Variants in EYA1 observed in about 807,000 individuals in gnomAD.
EYA1 encodes the protein EYA transcriptional coactivator and phosphatase 1.
Under a neutral mutation model 82.0 loss-of-function variants are expected in EYA1, and 16 were observed. The observed-to-expected ratio is 0.20, with a 90% CI of 0.13 to 0.30. EYA1 has a LOEUF of 0.30. Ranked by LOEUF, EYA1 falls within the 10% of genes least tolerant of loss-of-function variation. The probability of loss-of-function intolerance (pLI) is 1.00; values close to 1 mark genes in which losing one functional copy is unlikely to be tolerated. For synonymous variants in EYA1, 261 were observed against 264.4 expected, an observed-to-expected ratio of 0.99 and a Z score of 0.12; for missense variants, 633 against 730.7, an observed-to-expected ratio of 0.87 and a Z score of 1.54.
At position 71,198,110 on chromosome 8, in the gene EYA1, A is replaced by G. The variant is rs1206150010; in HGVS notation, c.*1230T>C. 6.6e-6 allele frequency: 1 copy of G among 152,428 alleles called. No homozygotes were observed. The highest frequency in any genetic ancestry group is 2.4e-5 in the African/African-American group (1 of 41,450). The allele number at this position is 152,428 out of a possible 1,614,324, so 9.4% of individuals were successfully genotyped here. ...TCCTTTATCGAAAGAAAATGCAGACACGATAATTAATAATTCTGAGCACAT... is the reference window on the plus strand; with the variant it reads ...TCCTTTATCGAAAGAAAATGCAGACGCGATAATTAATAATTCTGAGCACAT... On this transcript the variant is annotated 3_prime_UTR_variant, in exon 18 of 18. Coordinates refer to ENST00000340726, the MANE Select transcript of EYA1 (RefSeq NM_000503.6).
Position 71,214,162 on chromosome 8 carries a change from C to T in EYA1, c.1597+1225G>A, listed in dbSNP as rs532775566. 9.2e-5 allele frequency among the ~76,000 whole-genome samples: 14 copies of T among 152,202 alleles called. No individual in the cohort carries two copies. The East Asian group carries it at 2.7e-3, about 29-fold the overall frequency. ...TATGGAGTCGAGCAGCCAAAGACAG[C>T]CCTCTTGCCACCTGCTAGAATGCTC... On this transcript the variant is annotated intron_variant, in intron 16 of 17. Coordinates refer to ENST00000340726, the MANE Select transcript of EYA1 (RefSeq NM_000503.6).
At chr8:71,362,669 ATCT>A (rs761737300), upstream of EYA1, among the ~76,000 whole-genome samples, 16 of 152,306 alleles carry the variant, frequency 1.1e-4, no homozygotes, top group Non-Finnish European at 2.1e-4. Flanking sequence ...AGAATGGCAA[ATCT>A]TCTGTGAACA....
chr8:71,262,982 G>T (rs1421486071), intron 11 of EYA1, among the ~76,000 whole-genome samples: 1 of 152,186 alleles, frequency 6.6e-6, no homozygotes, highest in African/African-American at 2.4e-5. Flanking sequence ...TTTGGGATTA[G>T]ATTGGCCATC....
intron 2 of EYA1, among the ~76,000 whole-genome samples, chr8:71,490,054 G>C (rs922927235): frequency 6.6e-6 from 1 of 152,176 alleles, no homozygotes; most frequent in East Asian, 1.9e-4. Flanking sequence ...ATCTCCCAGA[G>C]GCTATGCTTT....
intron 2 of EYA1, among the ~76,000 whole-genome samples, chr8:71,385,672 T>A (rs1034524489): frequency 6.6e-6 from 1 of 152,166 alleles, no homozygotes; most frequent in Non-Finnish European, 1.5e-5. Flanking sequence ...AGAGATAGCA[T>A]CAGAAGGAAT....
chr8:71,317,774 A>G, intron 6 of EYA1, 85 bp from the exon 7 acceptor site: 1 of 1,271,642 alleles, frequency 7.9e-7, no homozygotes, highest in Non-Finnish European at 1.1e-6. Flanking sequence ...ACAACCGTTT[A>G]ACTACAAATG....
intron 9 of EYA1, among the ~76,000 whole-genome samples, chr8:71,276,649 A>G (rs1428091953): frequency 2.0e-5 from 3 of 152,222 alleles, no homozygotes; most frequent in African/African-American, 4.8e-5. Context: ...TAATTCTTGC[A>G]ACAGGCTATT....
chr8:71,467,424 A>G (rs891134651), intron 2 of EYA1, among the ~76,000 whole-genome samples: 9 of 152,152 alleles, frequency 5.9e-5, no homozygotes, highest in African/African-American at 2.2e-4. Flanking sequence ...CTAAGAAGGA[A>G]CAATAACAAA....
At chr8:71,389,148 A>C (rs1444281646) in intron 2 of EYA1, among the ~76,000 whole-genome samples, 2 of 152,040 alleles carry the variant, frequency 1.3e-5, no homozygotes, top group Non-Finnish European at 2.9e-5. Flanking sequence ...CATAACCCCC[A>C]AACTCACTAT....
intron 2 of EYA1, among the ~76,000 whole-genome samples, chr8:71,473,102 A>G (rs908195290): frequency 5.9e-5 from 9 of 151,976 alleles, no homozygotes; most frequent in Non-Finnish European, 1.0e-4. Flanking sequence ...TTGTAAGAAC[A>G]TAAAAGAGGG....
chr8:71,342,662 CAG>C (rs1825272183), intron 3 of EYA1, among the ~76,000 whole-genome samples: 1 of 152,084 alleles, frequency 6.6e-6, no homozygotes, highest in Admixed American at 6.6e-5. Flanking sequence ...ATAAACATAA[CAG>C]AATGTCCATA....
intron 3 of EYA1, among the ~76,000 whole-genome samples, chr8:71,340,366 T>C (rs1485981826): frequency 6.6e-6 from 1 of 152,206 alleles, no homozygotes; most frequent in Non-Finnish European, 1.5e-5. Flanking sequence ...CATCTAGTTG[T>C]CCCAACTTTC....
At chr8:71,488,588 T>C (rs1321921431) in intron 2 of EYA1, among the ~76,000 whole-genome samples, 2 of 152,190 alleles carry the variant, frequency 1.3e-5, no homozygotes, top group South Asian at 2.1e-4. Flanking sequence ...GGAATAAGGA[T>C]GAGGGAGCCA....
At chr8:71,518,874 T>C (rs1045233506) in intron 2 of EYA1, among the ~76,000 whole-genome samples, 17 of 152,182 alleles carry the variant, frequency 1.1e-4, no homozygotes, top group South Asian at 2.1e-4. Flanking sequence ...CCTAAGTTCA[T>C]AAAATCAGCT....
At chr8:71,398,109 G>T (rs1034937488) in intron 2 of EYA1, among the ~76,000 whole-genome samples, 2 of 152,096 alleles carry the variant, frequency 1.3e-5, no homozygotes, top group Non-Finnish European at 2.9e-5. Flanking sequence ...CATGTGTCAC[G>T]TAGTTCTTGT....
At chr8:71,353,538 T>C (rs1826521590) in intron 3 of EYA1, among the ~76,000 whole-genome samples, 1 of 152,216 alleles carries the variant, frequency 6.6e-6, no homozygotes, top group Non-Finnish European at 1.5e-5. Flanking sequence ...TTGAAATGAA[T>C]GTATTTATGC....
intron 9 of EYA1, among the ~76,000 whole-genome samples, chr8:71,278,484 A>G (rs778422396): frequency 7.9e-5 from 12 of 152,248 alleles, no homozygotes; most frequent in Non-Finnish European, 1.5e-4. Flanking sequence ...GCTATTTATC[A>G]TACACAGAAC....
At chr8:71,362,137 A>G (rs1827449412), upstream of EYA1, 4 of 845,848 alleles carry the variant, frequency 4.7e-6, no homozygotes, top group East Asian at 1.4e-4. Flanking sequence ...AGGTCTGCCC[A>G]TGGAGCCTCG....
chr8:71,233,419 T>C (rs941591166), intron 12 of EYA1, among the ~76,000 whole-genome samples: 17 of 151,778 alleles, frequency 1.1e-4, no homozygotes, highest in Admixed American at 5.9e-4. Flanking sequence ...AAAAAATTAG[T>C]TGGGCGTGGT....
Sources: allele counts gnomAD v4.1 joint callset (sites outside exome capture counted in the v4.1 genomes callset), GRCh38; gene constraint gnomAD v4.1.1; transcripts MANE v1.5; gene names NCBI Gene and HGNC (gene_info 2026-07-23, HGNC 2026-07-21).